Variants in IL34 observed in about 807,000 individuals in gnomAD.
The protein encoded by IL34 is interleukin 34, also known as interleukin-34.
Under a neutral mutation model 25.3 loss-of-function variants are expected in IL34, and 17 were observed. The ratio of observed to expected loss-of-function variants is 0.67; its 90% CI spans 0.46 to 1.01. IL34 has a LOEUF of 1.01. Ranked by LOEUF, IL34 falls within the 50% of genes least tolerant of loss-of-function variation. The probability of loss-of-function intolerance (pLI) is 0.00; values close to 1 mark genes in which losing one functional copy is unlikely to be tolerated. For synonymous variants in IL34, 174 were observed against 140.9 expected (o/e 1.23, Z -1.66); for missense variants, 368 against 312.9 (o/e 1.18, Z -1.33).
intron 1 of IL34, among the ~76,000 whole-genome samples, chr16:70,619,031 T>G (rs1597750474): frequency 1.3e-5 from 2 of 151,696 alleles, no homozygotes; most frequent in Admixed American, 6.6e-5. Context: ...CACCACGGGG[T>G]GGATAGGCAA....
chr16:70,597,337 C>T (rs1333794534), intron 1 of IL34, among the ~76,000 whole-genome samples: 2 of 152,204 alleles, frequency 1.3e-5, no homozygotes. Flanking sequence ...ACTCCTGCCT[C>T]AGCCTCCCAT....
At position 70,646,839 on chromosome 16, in the gene IL34, C is replaced by G. The variant is rs962891942; in HGVS notation, c.-109C>G. The G allele has an allele frequency of 1.8e-6, 2 of 1,102,524 alleles. No individual in the cohort carries two copies. Among genetic ancestry groups the G allele is most frequent in the African/African-American group, 1.7e-5 (1 of 59,888 alleles). 68.3% of individuals were successfully genotyped at this position (1,102,524 alleles called of 1,614,324 possible). ...TCCTCCAGGGCCAGCCCTTCCCTGA[C>G]TGAGTGACCACCTCTGCTGCCCCGA... On this transcript the variant is annotated 5_prime_UTR_variant, in exon 1 of 6. Transcript: ENST00000288098.
At chr16:70,655,768 G>A (rs1317365523) in intron 2 of IL34, among the ~76,000 whole-genome samples, 14 of 151,976 alleles carry the variant, frequency 9.2e-5, no homozygotes, top group Admixed American at 9.2e-4. Flanking sequence ...AAGTGTAGTG[G>A]CGGGATCATA....
Position 70,596,436 on chromosome 16 carries a change from C to T in IL34, c.-401+16387C>T, listed in dbSNP as rs576612832. 7.9e-5 allele frequency among the ~76,000 whole-genome samples: 12 copies of T among 152,282 alleles called. No homozygotes were observed. The South Asian group carries it at 2.3e-3, about 29-fold the overall frequency. On this transcript the variant is annotated intron_variant, in intron 1 of 6. Transcript: ENST00000429149. ...GTCATGACAGGCTGTGATATGGAGC[C>T]AGGGAGCGTGAGTTGCTGCAAAGCA...
chr16:70,654,308 C>T (rs1487825695), intron 1 of IL34: 4 of 408,378 alleles, frequency 9.8e-6, no homozygotes, highest in African/African-American at 4.0e-5. Context: ...CTCCAGTGGC[C>T]GGCATGGGGT....
At chr16:70,635,494 AGTCCCCTTGCTAGTCACAG>A (rs2151855738) in intron 1 of IL34, among the ~76,000 whole-genome samples, 1 of 152,252 alleles carries the variant, frequency 6.6e-6, no homozygotes, top group African/African-American at 2.4e-5. Context: ...TGTGCTCTTG[AGTCCCCTTGCTAGTCACAG>A]GTCAGAGGTT....
At chr16:70,657,541 C>T (rs545682565) in intron 4 of IL34, among the ~76,000 whole-genome samples, 1 of 152,202 alleles carries the variant, frequency 6.6e-6, no homozygotes, top group Non-Finnish European at 1.5e-5. Context: ...TGCCTGTAAT[C>T]CCAGCACTTT....
chr16:70,655,368 A>G (rs1266947839), intron 2 of IL34, among the ~76,000 whole-genome samples: 6 of 145,930 alleles, frequency 4.1e-5, no homozygotes, highest in Non-Finnish European at 9.0e-5. Context: ...TTTCTTTTTA[A>G]TTTTTTAACT....
At chr16:70,640,641 A>AAAG (rs1555505336) in intron 1 of IL34, among the ~76,000 whole-genome samples, 1 of 151,438 alleles carries the variant, frequency 6.6e-6, no homozygotes, top group African/African-American at 2.4e-5. Context: ...AAAAAAAAAA[A>AAAG]AGTTAGTTTT....
chr16:70,612,061 C>T (rs1253182922), intron 1 of IL34, among the ~76,000 whole-genome samples: 1 of 152,114 alleles, frequency 6.6e-6, no homozygotes, highest in Non-Finnish European at 1.5e-5. Flanking sequence ...CTTGAGGTTC[C>T]CTCCCTTCAT....
intron 1 of IL34, among the ~76,000 whole-genome samples, chr16:70,614,354 CGA>C (rs1346027760): frequency 6.6e-6 from 1 of 152,072 alleles, no homozygotes; most frequent in Non-Finnish European, 1.5e-5. Flanking sequence ...CAGTGTCATC[CGA>C]GAGACAAAGC....
At chr16:70,646,472 G>T (rs2051932283), upstream of IL34, 1 of 163,294 alleles carries the variant, frequency 6.1e-6, no homozygotes, top group Non-Finnish European at 1.3e-5. Flanking sequence ...CGTGGGTGCG[G>T]TGTGCGCTGT....
At chr16:70,624,786 A>C (rs2051355177) in intron 1 of IL34, among the ~76,000 whole-genome samples, 1 of 151,916 alleles carries the variant, frequency 6.6e-6, no homozygotes, top group South Asian at 2.1e-4. Context: ...TATAGGGTGG[A>C]GGAGGGGAGG....
At chr16:70,587,773 T>C (rs1275712910) in intron 1 of IL34, among the ~76,000 whole-genome samples, 1 of 151,318 alleles carries the variant, frequency 6.6e-6, no homozygotes, top group Non-Finnish European at 1.5e-5. Flanking sequence ...GCGCAGCGGC[T>C]CATGCCTGTA....
chr16:70,654,819 C>T (rs946498105), intron 2 of IL34, 148 bp downstream of exon 2: 7 of 1,036,366 alleles, frequency 6.8e-6, no homozygotes, highest in Non-Finnish European at 9.5e-6. Flanking sequence ...CGAAACCTAC[C>T]CATGCACCTG....
chr16:70,638,772 A>G (rs1445755238), intron 1 of IL34, among the ~76,000 whole-genome samples: 1 of 152,066 alleles, frequency 6.6e-6, no homozygotes, highest in Non-Finnish European at 1.5e-5. Context: ...TGTAGAGATT[A>G]GGTCTCTCTA....
At chr16:70,599,972 A>T (rs562445975) in intron 1 of IL34, among the ~76,000 whole-genome samples, 1 of 152,038 alleles carries the variant, frequency 6.6e-6, no homozygotes, top group African/African-American at 2.4e-5. Context: ...GAGTCATGGC[A>T]CCTGACCCTG....
At chr16:70,635,620 T>G (rs2051624186) in intron 1 of IL34, among the ~76,000 whole-genome samples, 1 of 152,176 alleles carries the variant, frequency 6.6e-6, no homozygotes, top group Non-Finnish European at 1.5e-5. Context: ...AGGGTCCCAT[T>G]GACTGGTCCC....
chr16:70,582,916 G>C (rs577805667), intron 1 of IL34, among the ~76,000 whole-genome samples: 18 of 152,316 alleles, frequency 1.2e-4, no homozygotes, highest in African/African-American at 3.6e-4. Flanking sequence ...AGATTGGAAG[G>C]AAGCTGGCAT....
Sources: allele counts gnomAD v4.1 joint callset (sites outside exome capture counted in the v4.1 genomes callset), GRCh38; gene constraint gnomAD v4.1.1; transcripts MANE v1.5; gene names NCBI Gene and HGNC (gene_info 2026-07-23, HGNC 2026-07-21).